The following PDE3A variants were observed in gnomAD, a reference collection of about 807,000 sequenced individuals.
PDE3A encodes the protein cGMP-inhibited 3',5'-cyclic phosphodiesterase 3A.
Under a neutral mutation model 98.3 loss-of-function variants are expected in PDE3A, and 43 were observed. That is an observed-to-expected ratio of 0.44 (90% confidence interval 0.34 to 0.56). The LOEUF is 0.56. Among genes scored for constraint, PDE3A ranks in the 20% least tolerant of loss-of-function variants. The pLI is 0.01. For synonymous variants in PDE3A, 663 were observed against 567.9 expected (o/e 1.17, Z -2.38); for missense variants, 1,427 against 1,440.7 (o/e 0.99, Z 0.15).
At chr12:20,579,645 T>G (rs977982133) in intron 2 of PDE3A, among the ~76,000 whole-genome samples, 2 of 152,314 alleles carry the variant, frequency 1.3e-5, no homozygotes, top group African/African-American at 4.8e-5. Context: ...GCCAGGTTCC[T>G]CAGCACCAGC....
At chr12:20,659,422 A>G (rs189761240) in intron 15 of PDE3A, among the ~76,000 whole-genome samples, 3 of 152,096 alleles carry the variant, frequency 2.0e-5, no homozygotes, top group African/African-American at 4.8e-5. Context: ...TGTCACCCCC[A>G]TAGAAATTGG....
At chr12:20,629,086 T>C (rs1276261057) in intron 5 of PDE3A, among the ~76,000 whole-genome samples, 1 of 152,220 alleles carries the variant, frequency 6.6e-6, no homozygotes, top group African/African-American at 2.4e-5. Context: ...CAGAAGTTAT[T>C]TCTCTCCTTT....
intron 15 of PDE3A, among the ~76,000 whole-genome samples, chr12:20,665,879 A>C (rs1004830325): frequency 6.6e-6 from 1 of 151,006 alleles, no homozygotes; most frequent in African/African-American, 2.4e-5. Flanking sequence ...GGGGCACATG[A>C]TATTTTGCTA....
chr12:20,435,801 C>T (rs987310009), intron 1 of PDE3A, among the ~76,000 whole-genome samples: 2 of 152,062 alleles, frequency 1.3e-5, no homozygotes, highest in Admixed American at 6.6e-5. Flanking sequence ...AATTTTAGAC[C>T]GCAAGTGTGG....
chr12:20,438,971 T>C (rs1944823516), intron 1 of PDE3A, among the ~76,000 whole-genome samples: 1 of 152,006 alleles, frequency 6.6e-6, no homozygotes, highest in African/African-American at 2.4e-5. Flanking sequence ...TTTTTTGTGT[T>C]TTTAGTGAAG....
intron 1 of PDE3A, among the ~76,000 whole-genome samples, chr12:20,401,527 G>T (rs1320790643): frequency 6.6e-6 from 1 of 152,082 alleles, no homozygotes; most frequent in South Asian, 2.1e-4. Context: ...ACAGAGATAG[G>T]TAGATCTCTT....
At chr12:20,572,542 C>A (rs925878110) in intron 2 of PDE3A, among the ~76,000 whole-genome samples, 22 of 151,964 alleles carry the variant, frequency 1.4e-4, no homozygotes, top group African/African-American at 5.1e-4. Context: ...TATCTAGCAC[C>A]AAATCTACAT....
intron 6 of PDE3A, among the ~76,000 whole-genome samples, chr12:20,631,122 C>T (rs544732626): frequency 6.6e-5 from 10 of 151,834 alleles, no homozygotes; most frequent in East Asian, 1.9e-4. Flanking sequence ...TTATCTTTAC[C>T]GGCATTTTTA....
intron 2 of PDE3A, among the ~76,000 whole-genome samples, chr12:20,592,645 G>A (rs142012101): frequency 3.3e-5 from 5 of 152,258 alleles, no homozygotes; most frequent in African/African-American, 1.2e-4. Flanking sequence ...GAGAGCATCA[G>A]GGAAATTAGT....
intron 5 of PDE3A, among the ~76,000 whole-genome samples, chr12:20,627,161 A>C (rs1471168819): frequency 1.3e-5 from 2 of 151,672 alleles, no homozygotes; most frequent in South Asian, 4.2e-4. Flanking sequence ...AAAAAAAAAA[A>C]AAACTGTGTA....
rs11045374 is a variant in PDE3A at position 20,659,491 on chromosome 12, G to A, written c.3184+5286G>A. Among the ~76,000 whole-genome samples, 809 of 151,886 alleles carry A rather than the reference G, an allele frequency of 5.3e-3. 6 individuals are homozygous for A. The highest frequency in any genetic ancestry group is 0.017 in the African/African-American group (722 of 41,412). On this transcript the variant is annotated intron_variant, in intron 15 of 15. Transcript: ENST00000359062. ...ACTTTTCTTTTTTTTCTTGCTCCCA[G>A]AGTAAGTCATATCTACTTCATTAAA...
At chr12:20,526,465 A>AGG (rs1251258072) in intron 1 of PDE3A, among the ~76,000 whole-genome samples, 1 of 152,212 alleles carries the variant, frequency 6.6e-6, no homozygotes, top group East Asian at 1.9e-4. Flanking sequence ...TTTTTAAAAA[A>AGG]GTGTTACAAT....
chr12:20,442,012 C>T (rs1944877892), intron 1 of PDE3A, among the ~76,000 whole-genome samples: 1 of 152,164 alleles, frequency 6.6e-6, no homozygotes, highest in Non-Finnish European at 1.5e-5. Context: ...GTGCCTCCTC[C>T]TGGATGACCC....
In PDE3A at chr12:20,686,534, T is replaced by G. The variant is rs140422283; in HGVS notation, c.*6263T>G. 1.2e-4 allele frequency among the ~76,000 whole-genome samples: 19 copies of G among 152,270 alleles called. No homozygotes were observed. The highest frequency in any genetic ancestry group is 1.2e-3 in the Admixed American group (19 of 15,286). Reference sequence around the variant, plus strand: ...TTGAAATTCATTAATAAAAAATTAATAACAAAACTTTGTAAGCCTTAATGG... The same window carrying G: ...TTGAAATTCATTAATAAAAAATTAAGAACAAAACTTTGTAAGCCTTAATGG... On this transcript the variant is annotated 3_prime_UTR_variant, in exon 16 of 16. Transcript: ENST00000359062.
At chr12:20,409,634 A>T (rs1468060409) in intron 1 of PDE3A, among the ~76,000 whole-genome samples, 1 of 152,164 alleles carries the variant, frequency 6.6e-6, no homozygotes, top group African/African-American at 2.4e-5. Flanking sequence ...CAGAGAGGTG[A>T]TATTATAAAT....
chr12:20,548,483 C>A (rs1942115352), intron 1 of PDE3A, among the ~76,000 whole-genome samples: 1 of 151,992 alleles, frequency 6.6e-6, no homozygotes, highest in Admixed American at 6.6e-5. Context: ...GTACTCTTAT[C>A]AACTAGAATA....
At chr12:20,378,912 C>T (rs1943617674) in intron 1 of PDE3A, among the ~76,000 whole-genome samples, 1 of 151,512 alleles carries the variant, frequency 6.6e-6, no homozygotes, top group Admixed American at 6.6e-5. Flanking sequence ...GAGTCTTCTC[C>T]CTCCGAATGT....
rs182973505 is a variant in PDE3A at position 20,552,724 on chromosome 12, G to C, written c.961-3936G>C. Reference sequence around the variant, plus strand: ...CGCCAAGCTGTGGAATGAGGTCCTGGCGTCACTCAAGGACCGGCCGGCGAG... The same window carrying C: ...CGCCAAGCTGTGGAATGAGGTCCTGCCGTCACTCAAGGACCGGCCGGCGAG... On this transcript the variant is annotated intron_variant, in intron 1 of 15. Transcript: ENST00000359062. The surrounding 1 kb of genome is among the most constrained non-coding windows in gnomAD (Gnocchi z 5.1). 3,198 of 1,614,062 alleles carry C rather than the reference G, an allele frequency of 2.0e-3. 63 individuals carry two copies. In the African/African-American group the frequency reaches 0.038, roughly 19 times the overall value.
At chr12:20,543,714 T>C (rs1282213595) in intron 1 of PDE3A, among the ~76,000 whole-genome samples, 2 of 152,044 alleles carry the variant, frequency 1.3e-5, no homozygotes, top group African/African-American at 2.4e-5. Context: ...AAAGTCATAA[T>C]ATATATCATG....
Sources: gnomAD v4.1 joint callset for allele counts (sites outside exome capture counted in the v4.1 genomes callset) on GRCh38, gnomAD v4.1.1 for gene constraint, Gnocchi (gnomAD v3.1) non-coding constraint, MANE v1.5 for transcripts, NCBI Gene and HGNC (gene_info 2026-07-23, HGNC 2026-07-21) for gene names.